Variants in NRXN3 observed in about 807,000 individuals in gnomAD.
NRXN3 encodes neurexin 3, also known as neurexin III.
A neutral mutation model predicts 137.6 loss-of-function variants in NRXN3; 32 were observed. The observed-to-expected ratio is 0.23, with a 90% confidence interval of 0.18 to 0.31. NRXN3 has a LOEUF of 0.31. Ranked by LOEUF, NRXN3 falls within the 10% of genes least tolerant of loss-of-function variation. The pLI is 1.00. For missense variants in NRXN3, 1,574 were observed against 2,062.5 expected (o/e 0.76, Z 4.59); for synonymous variants, 798 against 784.5 (o/e 1.02, Z -0.29).
intron 15 of NRXN3, among the ~76,000 whole-genome samples, chr14:79,164,118 G>A (rs1214772560): frequency 6.6e-6 from 1 of 151,814 alleles, no homozygotes; most frequent in Non-Finnish European, 1.5e-5. Context: ...AGTTTTCTAT[G>A]TAGTCCCTTG....
At chr14:79,754,607 TACAC>T (rs1158883685) in intron 19 of NRXN3, among the ~76,000 whole-genome samples, 2 of 136,262 alleles carry the variant, frequency 1.5e-5, no homozygotes, top group African/African-American at 5.3e-5. Context: ...TACACACACA[TACAC>T]ACACACGTAT....
intron 4 of NRXN3, among the ~76,000 whole-genome samples, chr14:78,573,127 C>G (rs749218317): frequency 1.3e-5 from 2 of 152,156 alleles, no homozygotes; most frequent in Non-Finnish European, 2.9e-5. Flanking sequence ...TGAAGAGATG[C>G]CTTCTGCCAT....
chr14:78,490,868 C>T (rs1430256541), intron 4 of NRXN3, among the ~76,000 whole-genome samples: 1 of 152,150 alleles, frequency 6.6e-6, no homozygotes, highest in Non-Finnish European at 1.5e-5. Context: ...ATAATTTTTA[C>T]CTGCTGGCTC....
intron 15 of NRXN3, among the ~76,000 whole-genome samples, chr14:79,284,329 C>G (rs1329267440): frequency 8.6e-6 from 1 of 115,654 alleles, no homozygotes; most frequent in Non-Finnish European, 1.8e-5. Context: ...GAAACCCCGT[C>G]TCTACTAAAA....
chr14:78,859,455 T>C (rs2099066556), intron 10 of NRXN3, among the ~76,000 whole-genome samples: 1 of 152,182 alleles, frequency 6.6e-6, no homozygotes, highest in Admixed American at 6.5e-5. Flanking sequence ...AGTCTGATGA[T>C]GTTGTGGAGC....
intron 10 of NRXN3, among the ~76,000 whole-genome samples, chr14:78,886,850 T>C (rs2099145271): frequency 6.6e-6 from 1 of 152,180 alleles, no homozygotes. Flanking sequence ...TGTGGGATTC[T>C]GCACAGGAAA....
In NRXN3 at chr14:79,819,537, G is replaced by T. The variant is rs7159124; in HGVS notation, c.4093+14347G>T. Among the ~76,000 whole-genome samples the T allele has an allele frequency of 6.6e-3, 783 of 119,390 alleles. 7 individuals are homozygous for T. The highest frequency in any genetic ancestry group is 0.023 in the African/African-American group (677 of 29,448). The allele number at this position is 119,390 out of a possible 152,430, so 78.3% of individuals were successfully genotyped here. On this transcript the variant is annotated intron_variant, in intron 20 of 20. Transcript: ENST00000335750. ...TCTTTTTCTGTCACCCAAGCTGGAGGGCAGTGGCACAATCTCGGCTCACTA... is the reference window on the plus strand; with the variant it reads ...TCTTTTTCTGTCACCCAAGCTGGAGTGCAGTGGCACAATCTCGGCTCACTA...
chr14:79,190,570 T>C (rs1249748264), intron 15 of NRXN3, among the ~76,000 whole-genome samples: 1 of 152,198 alleles, frequency 6.6e-6, no homozygotes, highest in Non-Finnish European at 1.5e-5. Context: ...GGTGTGCTAC[T>C]GAAGGCAAGT....
chr14:78,208,300 T>G (rs1351646575), intron 1 of NRXN3, among the ~76,000 whole-genome samples: 3 of 152,198 alleles, frequency 2.0e-5, no homozygotes, highest in Non-Finnish European at 2.9e-5. Flanking sequence ...AACTGGACAC[T>G]GTTGACCTCT....
At chr14:79,755,350 T>A (rs1051264158) in intron 19 of NRXN3, among the ~76,000 whole-genome samples, 1 of 152,136 alleles carries the variant, frequency 6.6e-6, no homozygotes, top group African/African-American at 2.4e-5. Context: ...TATCATTCTC[T>A]CTCCCTCTGC....
At chr14:78,185,758 G>A (rs2060179063) in intron 1 of NRXN3, among the ~76,000 whole-genome samples, 1 of 152,180 alleles carries the variant, frequency 6.6e-6, no homozygotes, top group Admixed American at 6.5e-5. Context: ...TGGAGAGAAT[G>A]ACTTGTCCAC....
chr14:78,960,512 A>G (rs999073900), intron 11 of NRXN3, among the ~76,000 whole-genome samples: 1 of 152,212 alleles, frequency 6.6e-6, no homozygotes, highest in Non-Finnish European at 1.5e-5. Context: ...AAGGATAGAA[A>G]TATTCCTCAA....
intron 15 of NRXN3, among the ~76,000 whole-genome samples, chr14:79,210,140 C>T (rs1165284297): frequency 1.3e-5 from 2 of 152,156 alleles, no homozygotes; most frequent in East Asian, 1.9e-4. Context: ...TTAATTTCTT[C>T]AGTCCCTGTC....
In NRXN3 at chr14:78,188,761, A is replaced by G. The variant is rs996321890; in HGVS notation, c.-704+18087A>G. On this transcript the variant is annotated intron_variant, in intron 1 of 20. Transcript: ENST00000335750. ...AAGTAATTTCCCTTCTCAGAGTCTCAGATTTGTCATTTACAAAATAGGAAT... is the reference window on the plus strand; with the variant it reads ...AAGTAATTTCCCTTCTCAGAGTCTCGGATTTGTCATTTACAAAATAGGAAT... Among the ~76,000 whole-genome samples the G allele has an allele frequency of 2.0e-5, 3 of 152,304 alleles. No individual in the cohort carries two copies. The East Asian group carries it at 5.8e-4, about 29-fold the overall frequency.
At position 78,656,596 on chromosome 14, in the gene NRXN3, G is replaced by C. The variant is rs79584041; in HGVS notation, c.1221+5270G>C. The stretch of plus-strand genomic sequence containing the variant: ...CCTTGGACTTTGTTCTCTAGGTAAC[G>C]GGGGAGCCATTGAAGGACCTTATGC... On this transcript the variant is annotated intron_variant, in intron 6 of 20. Transcript: ENST00000335750. Among the ~76,000 whole-genome samples the C allele has an allele frequency of 4.4e-3, 664 of 152,220 alleles. 25 individuals carry two copies. In the East Asian group the frequency reaches 0.1, roughly 23 times the overall value.
At chr14:79,708,812 T>C (rs1243682454) in intron 19 of NRXN3, among the ~76,000 whole-genome samples, 1 of 152,198 alleles carries the variant, frequency 6.6e-6, no homozygotes, top group Non-Finnish European at 1.5e-5. Flanking sequence ...TTCCTCATCA[T>C]TCATGGATGA....
chr14:78,677,761 G>A (rs1023781504), intron 6 of NRXN3, among the ~76,000 whole-genome samples: 2 of 152,134 alleles, frequency 1.3e-5, no homozygotes, highest in East Asian at 3.9e-4. Context: ...AATCAATGTG[G>A]CAAACTTCGT....
At chr14:79,553,800 C>G (rs1229071452) in intron 16 of NRXN3, among the ~76,000 whole-genome samples, 1 of 152,100 alleles carries the variant, frequency 6.6e-6, no homozygotes, top group Non-Finnish European at 1.5e-5. Flanking sequence ...TTGGTTAGCC[C>G]CCTAGACTGA....
intron 16 of NRXN3, among the ~76,000 whole-genome samples, chr14:79,648,392 A>T (rs2153968302): frequency 7.4e-6 from 1 of 135,428 alleles, no homozygotes; most frequent in Admixed American, 7.8e-5. Flanking sequence ...CATTTTTTAA[A>T]AGAACAGTCT....
Sources: allele counts gnomAD v4.1 joint callset (sites outside exome capture counted in the v4.1 genomes callset), GRCh38; gene constraint gnomAD v4.1.1; transcripts MANE v1.5; gene names NCBI Gene and HGNC (gene_info 2026-07-23, HGNC 2026-07-21).